The following LIG1 variants were observed in gnomAD, a reference collection of about 807,000 sequenced individuals.
The protein encoded by LIG1 is DNA ligase 1, also known as ligase I, DNA, ATP-dependent.
LIG1 carries 70 observed loss-of-function variants against 115.7 expected under a neutral mutation model. That is an observed-to-expected ratio of 0.60 (90% confidence interval 0.50 to 0.74). The LOEUF is 0.74. Ranked by LOEUF, LIG1 falls within the 30% of genes least tolerant of loss-of-function variation. The probability of loss-of-function intolerance (pLI) is 0.00; values close to 1 mark genes in which losing one functional copy is unlikely to be tolerated. For synonymous variants in LIG1, 487 were observed against 495.3 expected, an observed-to-expected ratio of 0.98 and a Z score of 0.22; for missense variants, 1,115 against 1,225.6, an observed-to-expected ratio of 0.91 and a Z score of 1.35.
At chr19:48,151,822 T>C (rs1287963891) in intron 6 of LIG1, among the ~76,000 whole-genome samples, 2 of 152,226 alleles carry the variant, frequency 1.3e-5, no homozygotes, top group Non-Finnish European at 2.9e-5. Context: ...CGTTTGCCTA[T>C]GTAGCCGAGA....
chr19:48,131,487 G>A (rs999019540), intron 18 of LIG1, among the ~76,000 whole-genome samples: 3 of 151,562 alleles, frequency 2.0e-5, no homozygotes, highest in South Asian at 2.1e-4. Context: ...TTTTTTTTGA[G>A]GCGGAGTCTC....
At chr19:48,142,442 CA>C (rs561137392) in intron 11 of LIG1, among the ~76,000 whole-genome samples, 19,793 of 75,646 alleles carry the variant, frequency 0.26, 3,318 homozygotes, top group African/African-American at 0.44. Context: ...GACTCCATCT[CA>C]AAAAAAAAAA....
At chr19:48,168,210 A>G (rs1047498976) in intron 1 of LIG1, among the ~76,000 whole-genome samples, 3 of 152,178 alleles carry the variant, frequency 2.0e-5, no homozygotes, top group African/African-American at 7.2e-5. Flanking sequence ...GGAGAAATAC[A>G]TAAGCGTTTA....
intron 23 of LIG1, among the ~76,000 whole-genome samples, chr19:48,121,846 G>A (rs3731017): frequency 1.4e-4 from 21 of 152,100 alleles, no homozygotes; most frequent in African/African-American, 1.9e-4. Flanking sequence ...AAACGCAGGC[G>A]GGATCGATGG....
At chr19:48,162,398 A>ACAG in intron 2 of LIG1, 47 bp from the exon 3 acceptor site, 1 of 1,333,304 alleles carries the variant, frequency 7.5e-7, no homozygotes, top group African/African-American at 1.4e-5. Context: ...AACAGCACCA[A>ACAG]TACCCTGCCT....
chr19:48,130,374 C>T (rs138580019), intron 19 of LIG1, among the ~76,000 whole-genome samples: 25 of 152,330 alleles, frequency 1.6e-4, no homozygotes, highest in African/African-American at 5.5e-4. Context: ...AAGAGAAAGG[C>T]TCTTTGATAG....
intron 9 of LIG1, among the ~76,000 whole-genome samples, chr19:48,146,777 T>C (rs1452663617): frequency 1.3e-5 from 2 of 152,194 alleles, no homozygotes; most frequent in Non-Finnish European, 2.9e-5. Context: ...TATTTATAAA[T>C]ACACAAACAC....
At chr19:48,136,830 T>C (rs769391563) in intron 14 of LIG1, among the ~76,000 whole-genome samples, 178 bp downstream of exon 14, 4 of 152,218 alleles carry the variant, frequency 2.6e-5, no homozygotes, top group Non-Finnish European at 5.9e-5. Flanking sequence ...GGACAGAAGC[T>C]GGCCTGTGAA....
intron 17 of LIG1, chr19:48,133,396 A>C: frequency 2.3e-6 from 1 of 428,602 alleles, no homozygotes; most frequent in Non-Finnish European, 4.4e-6. Flanking sequence ...TCCTCCCACA[A>C]TTAGAACAGG....
chr19:48,132,707 C>T (rs1191165597), intron 18 of LIG1, among the ~76,000 whole-genome samples: 1 of 142,720 alleles, frequency 7.0e-6, no homozygotes, highest in Non-Finnish European at 1.5e-5. Context: ...AGGAGAATCA[C>T]TTGAAGCCAG....
chr19:48,126,968 T>A (rs1354848700), intron 21 of LIG1: 1 of 385,518 alleles, frequency 2.6e-6, no homozygotes, highest in Non-Finnish European at 4.9e-6. Context: ...AATCCTCTAA[T>A]ATCTGGCTTA....
rs777689854 is a variant in LIG1, at chr19:48,123,290, C to T, written c.2033G>A (p.Arg678His). 6 of 1,613,706 alleles carry T rather than the reference C, an allele frequency of 3.7e-6. No individual in the cohort carries two copies. The highest frequency in any genetic ancestry group is 2.7e-5 in the African/African-American group (2 of 74,886). ...ESLVREPLSR[R>H]RQLLRENFVE... is the part of the protein sequence containing the mutation. ...AAAGTTCTCCCGGAGCAGCTGCCGGCGCCGGGAAAGGGGCTCACGTACCAG... is the reference window on the plus strand; with the variant it reads ...AAAGTTCTCCCGGAGCAGCTGCCGGTGCCGGGAAAGGGGCTCACGTACCAG... Residue 678 changes from arginine (R) to histidine (H), a missense_variant, in exon 22 of 28, where the codon CGC becomes CAC. By Grantham distance (29) the Arg-to-His change is conservative (BLOSUM62 0). Coordinates refer to ENST00000263274, the MANE Select transcript of LIG1 (RefSeq NM_000234.3).
rs201483928 is a variant in LIG1, at chr19:48,134,035, C to A, written c.1555G>T (p.Val519Leu). ...CGTTCCAGGCCGTGCTCCAGCAGCA[C>A]GGGGATAATTCGGTCCAGGTCGGGA... ...EVPDLDRIIP[V>L]LLEHGLERLP... The change falls in exon 17 of 28, where the codon GTG becomes TTG. Residue 519 changes from valine to leucine, a missense_variant. Transcript: ENST00000263274. 2.8e-5 allele frequency: 44 copies of A among 1,557,718 alleles called. No homozygotes were observed. The East Asian group carries it at 1.1e-3, about 38-fold the overall frequency.
intron 3 of LIG1, 148 bp downstream of exon 3, chr19:48,162,114 A>C (rs1444990047): frequency 2.7e-6 from 2 of 731,466 alleles, no homozygotes; most frequent in Non-Finnish European, 4.9e-6. Context: ...CTGTGCCTGC[A>C]GCTGCTCTTG....
intron 11 of LIG1, among the ~76,000 whole-genome samples, chr19:48,141,535 C>T (rs2034757296): frequency 1.3e-5 from 2 of 152,120 alleles, no homozygotes; most frequent in Non-Finnish European, 2.9e-5. Context: ...CGAAAGAGTC[C>T]GTGGCTTGCC....
intron 3 of LIG1, 87 bp from the exon 4 acceptor site, chr19:48,161,594 T>A: frequency 6.8e-7 from 1 of 1,478,194 alleles, no homozygotes; most frequent in East Asian, 2.3e-5. Flanking sequence ...GTTTCTTTGC[T>A]GTTTCCTTCC....
intron 11 of LIG1, among the ~76,000 whole-genome samples, chr19:48,141,015 G>A (rs186913754): frequency 6.1e-4 from 93 of 152,352 alleles, no homozygotes; most frequent in Admixed American, 3.5e-3. Context: ...TGAACCCACC[G>A]GACGGTTACA....
At chr19:48,128,479 T>TG (rs2033814052) in intron 19 of LIG1, among the ~76,000 whole-genome samples, 1 of 152,184 alleles carries the variant, frequency 6.6e-6, no homozygotes, top group African/African-American at 2.4e-5. Flanking sequence ...TCCCCAAAGC[T>TG]GGGGGGACTC....
chr19:48,119,225 C>T (rs371971480), intron 24 of LIG1, 35 bp from the exon 25 acceptor site: 73 of 1,551,946 alleles, frequency 4.7e-5, no homozygotes, highest in African/African-American at 3.0e-4. Context: ...GAGGCTCAGC[C>T]AGCCACAGGC....
Sources: gnomAD v4.1 joint callset for allele counts (sites outside exome capture counted in the v4.1 genomes callset) on GRCh38, gnomAD v4.1.1 for gene constraint, MANE v1.5 for transcripts, NCBI Gene and HGNC (gene_info 2026-07-23, HGNC 2026-07-21) for gene names.